Variants in ROR2 observed in about 807,000 individuals in gnomAD.
ROR2 encodes the protein tyrosine-protein kinase transmembrane receptor ROR2.
ROR2 carries 33 observed loss-of-function variants against 74.9 expected under a neutral mutation model. That is an observed-to-expected ratio of 0.44 (90% CI 0.33 to 0.59). The LOEUF (loss-of-function observed/expected upper bound fraction) is 0.59. Ranked by LOEUF, ROR2 falls within the 20% of genes least tolerant of loss-of-function variation. The pLI, the probability that ROR2 is intolerant of heterozygous loss-of-function variation, is 0.02. For synonymous variants in ROR2, 586 were observed against 558.7 expected (o/e 1.05, Z -0.69); for missense variants, 1,216 against 1,313.8 (o/e 0.93, Z 1.15).
At chr9:91,843,865 T>C (rs143801814) in intron 1 of ROR2, among the ~76,000 whole-genome samples, 6 of 152,338 alleles carry the variant, frequency 3.9e-5, no homozygotes, top group African/African-American at 1.4e-4. Flanking sequence ...TCTAAAAATC[T>C]CAATTCAAAA....
In ROR2 at chr9:91,758,097, G is replaced by C. The variant is rs78332178; in HGVS notation, c.176-538C>G. On this transcript the variant is annotated intron_variant, in intron 2 of 8. Transcript: ENST00000375708. ...AGAAACTTGGCACTAAATAGACCAA[G>C]AAAAGGCCACATGTTCACAATATGA... Among the ~76,000 whole-genome samples, 356 of 152,280 alleles carry C rather than the reference G, an allele frequency of 2.3e-3. 1 individual carries two copies. The highest frequency in any genetic ancestry group is 8.1e-3 in the African/African-American group (335 of 41,562).
At chr9:91,872,013 T>C (rs1341283265) in intron 1 of ROR2, among the ~76,000 whole-genome samples, 5 of 152,208 alleles carry the variant, frequency 3.3e-5, no homozygotes, top group South Asian at 2.1e-4. Context: ...CACAGAACTG[T>C]GTGCTGTAAC....
At chr9:91,941,952 G>A (rs192917063) in intron 1 of ROR2, among the ~76,000 whole-genome samples, 39 of 152,080 alleles carry the variant, frequency 2.6e-4, no homozygotes, top group African/African-American at 9.2e-4. Flanking sequence ...CACCACGCCC[G>A]GCTAACTTTT....
At chr9:91,740,111 C>T (rs1483269179) in intron 4 of ROR2, among the ~76,000 whole-genome samples, 1 of 152,180 alleles carries the variant, frequency 6.6e-6, no homozygotes, top group African/African-American at 2.4e-5. Flanking sequence ...TTGCAGGCTT[C>T]TCCCTGGCCG....
At chr9:91,749,863 A>G (rs1422970688) in intron 4 of ROR2, among the ~76,000 whole-genome samples, 1 of 152,218 alleles carries the variant, frequency 6.6e-6, no homozygotes, top group Non-Finnish European at 1.5e-5. Context: ...GCATATACCT[A>G]GAAATTATTT....
At chr9:91,808,441 C>G (rs759271970) in intron 1 of ROR2, among the ~76,000 whole-genome samples, 35 of 152,018 alleles carry the variant, frequency 2.3e-4, no homozygotes, top group Admixed American at 3.9e-4. Context: ...ACCATCCTGG[C>G]CAACATGGTG....
At chr9:91,932,429 A>T (rs527659034) in intron 1 of ROR2, among the ~76,000 whole-genome samples, 56 of 152,306 alleles carry the variant, frequency 3.7e-4, no homozygotes, top group African/African-American at 1.3e-3. Context: ...ACATGGCTAA[A>T]TATTCTTAGA....
At chr9:91,898,799 C>T (rs1830600276) in intron 1 of ROR2, among the ~76,000 whole-genome samples, 2 of 152,230 alleles carry the variant, frequency 1.3e-5, no homozygotes, top group African/African-American at 4.8e-5. Context: ...GAAGGAGACG[C>T]AGCACAGAGC....
chr9:91,923,092 C>A (rs931974747), intron 1 of ROR2, among the ~76,000 whole-genome samples: 1 of 152,146 alleles, frequency 6.6e-6, no homozygotes, highest in African/African-American at 2.4e-5. Flanking sequence ...CCAAGGAATT[C>A]AGTGATCACC....
intron 1 of ROR2, among the ~76,000 whole-genome samples, chr9:91,821,114 A>AAT (rs1449882521): frequency 1.3e-4 from 19 of 151,604 alleles, no homozygotes; most frequent in African/African-American, 4.4e-4. Context: ...AAAAAAAAAA[A>AAT]AGAAGGGGAA....
intron 1 of ROR2, among the ~76,000 whole-genome samples, chr9:91,899,897 A>G (rs1830629659): frequency 6.6e-6 from 1 of 152,218 alleles, no homozygotes; most frequent in African/African-American, 2.4e-5. Context: ...CACATTACAT[A>G]TGCAACACAT....
At chr9:91,914,068 C>T (rs902888022) in intron 1 of ROR2, among the ~76,000 whole-genome samples, 5 of 151,180 alleles carry the variant, frequency 3.3e-5, no homozygotes, top group African/African-American at 1.2e-4. Context: ...AAAAAAAAAT[C>T]TCATGCTGTT....
intron 1 of ROR2, among the ~76,000 whole-genome samples, chr9:91,800,451 A>G (rs1827338213): frequency 6.6e-6 from 1 of 152,142 alleles, no homozygotes; most frequent in Non-Finnish European, 1.5e-5. Flanking sequence ...AACGATGGGA[A>G]CATGACAGTT....
chr9:91,806,924 T>C (rs1016449090), intron 1 of ROR2, among the ~76,000 whole-genome samples: 2 of 152,190 alleles, frequency 1.3e-5, no homozygotes, highest in Admixed American at 6.5e-5. Context: ...TCCTTGCTCA[T>C]AATTTTTTGT....
At chr9:91,910,700 G>C (rs957912213) in intron 1 of ROR2, among the ~76,000 whole-genome samples, 1 of 150,880 alleles carries the variant, frequency 6.6e-6, no homozygotes, top group South Asian at 2.1e-4. Flanking sequence ...GTCTCACTCT[G>C]TTGCCCAGGC....
chr9:91,783,495 C>T (rs560942234), intron 1 of ROR2, among the ~76,000 whole-genome samples: 4 of 152,064 alleles, frequency 2.6e-5, no homozygotes, highest in Non-Finnish European at 5.9e-5. Flanking sequence ...TGCCCCAAAC[C>T]CCTCCCTTCT....
intron 1 of ROR2, among the ~76,000 whole-genome samples, chr9:91,893,002 G>A (rs1042265810): frequency 6.6e-6 from 1 of 152,096 alleles, no homozygotes; most frequent in African/African-American, 2.4e-5. Context: ...AGAAACCAAG[G>A]GTGAAGTGAA....
intron 1 of ROR2, among the ~76,000 whole-genome samples, chr9:91,913,054 G>A (rs561965566): frequency 1.3e-5 from 2 of 152,200 alleles, no homozygotes; most frequent in South Asian, 4.2e-4. Context: ...GCTTGAACCC[G>A]GGAAGCAGAG....
rs763556461 is a variant in ROR2 at position 91,724,737 on chromosome 9, G to A, written c.1757C>T (p.Ala586Val). ...GTGCACGAAGTCGGGGGGCTCCAGG[G>A]CGGACTTCACCGTGCGGTCATCATC... ...STDDDRTVKS[A>V]LEPPDFVHLV... Residue 586 changes from alanine to valine, a missense_variant, in exon 9 of 9, where the codon GCC becomes GTC. Coordinates refer to ENST00000375708, the MANE Select transcript of ROR2 (RefSeq NM_004560.4). 28 of 1,614,124 alleles carry A rather than the reference G, an allele frequency of 1.7e-5. No homozygotes were observed. In the East Asian group the frequency reaches 5.1e-4, roughly 30 times the overall value.
Sources: allele counts gnomAD v4.1 joint callset (sites outside exome capture counted in the v4.1 genomes callset), GRCh38; gene constraint gnomAD v4.1.1; transcripts MANE v1.5; gene names NCBI Gene and HGNC (gene_info 2026-07-23, HGNC 2026-07-21).